The following NCALD variants were observed in gnomAD, a reference collection of about 807,000 sequenced individuals.
The protein encoded by NCALD is neurocalcin-delta.
NCALD carries 10 observed loss-of-function variants against 18.6 expected under a neutral mutation model. That is an observed-to-expected ratio of 0.54 (90% CI 0.33 to 0.91). The LOEUF (loss-of-function observed/expected upper bound fraction) is 0.91. Among genes scored for constraint, NCALD ranks in the 40% least tolerant of loss-of-function variants. The probability of loss-of-function intolerance (pLI) is 0.03; values close to 1 mark genes in which losing one functional copy is unlikely to be tolerated. For missense variants in NCALD, 184 were observed against 247.6 expected, an observed-to-expected ratio of 0.74 and a Z score of 1.72; for synonymous variants, 88 against 87.4, an observed-to-expected ratio of 1.01 and a Z score of -0.04.
At chr8:102,052,244 C>A (rs1823481624) in intron 1 of NCALD, among the ~76,000 whole-genome samples, 1 of 152,116 alleles carries the variant, frequency 6.6e-6, no homozygotes, top group African/African-American at 2.4e-5. Flanking sequence ...GTAATTGCAG[C>A]AGATCAATTT....
intron 4 of NCALD, among the ~76,000 whole-genome samples, chr8:101,827,520 C>T (rs567595501): frequency 6.6e-6 from 1 of 152,300 alleles, no homozygotes; most frequent in East Asian, 1.9e-4. Context: ...GAATTTGAGA[C>T]ACCTCCCAAT....
At chr8:102,016,431 T>G (rs1444388483) in intron 2 of NCALD, among the ~76,000 whole-genome samples, 1 of 152,198 alleles carries the variant, frequency 6.6e-6, no homozygotes, top group African/African-American at 2.4e-5. Flanking sequence ...AGCAATCTAC[T>G]GCTAGCAGAC....
Position 101,694,867 on chromosome 8 carries a change from G to C in NCALD, c.379-1971C>G, listed in dbSNP as rs974798733. Among the ~76,000 whole-genome samples, 5 of 152,138 alleles carry C rather than the reference G, an allele frequency of 3.3e-5. No individual in the cohort carries two copies. In the East Asian group the frequency reaches 9.6e-4, roughly 29 times the overall value. ...GAGATGGAGCTGTTTTTGCAAATGG[G>C]AGAAGAGAGGCCCTGAGATTTAACA... On this transcript the variant is annotated intron_variant, in intron 2 of 3. Transcript: ENST00000220931.
At chr8:102,060,835 CA>C (rs1823824542) in intron 1 of NCALD, among the ~76,000 whole-genome samples, 1 of 152,194 alleles carries the variant, frequency 6.6e-6, no homozygotes, top group Non-Finnish European at 1.5e-5. Context: ...AGTGGGAAGG[CA>C]GCTAAAAGAA....
rs1814556750 is a variant in NCALD at position 101,688,365 on chromosome 8, A to G, written c.*944T>C. Reference sequence around the variant, plus strand: ...GTTACTTTGTATTTTTATGGAATATATAAAATATACTTGTCGATTGGTACA... The same window carrying G: ...GTTACTTTGTATTTTTATGGAATATGTAAAATATACTTGTCGATTGGTACA... On this transcript the variant is annotated 3_prime_UTR_variant, in exon 4 of 4. Transcript: ENST00000220931. The G allele has an allele frequency of 4.3e-6, 1 of 231,336 alleles. No individual in the cohort carries two copies. Among genetic ancestry groups the G allele is most frequent in the African/African-American group, 2.3e-5 (1 of 44,116 alleles). 14.3% of individuals were successfully genotyped at this position (231,336 alleles called of 1,614,324 possible). A position where few individuals can be genotyped will look rare whatever the true frequency, so the allele number is the denominator to read the frequency against.
In NCALD at chr8:101,689,285, C is replaced by T; in HGVS notation, c.*24G>A. 1.2e-6 allele frequency: 2 copies of T among 1,606,742 alleles called. No individual in the cohort carries two copies. The highest frequency in any genetic ancestry group is 1.3e-5 in the African/African-American group (1 of 74,798). On this transcript the variant is annotated 3_prime_UTR_variant, in exon 4 of 4. Transcript: ENST00000220931. The surrounding 1 kb of genome is among the most constrained non-coding windows in gnomAD (Gnocchi z 4.4). ...TCAAAAGGGAACACAAGCAGCTCTA[C>T]AATTCGATTGGTGGGCGCAGGGCTC...
In NCALD at chr8:101,736,109, C is replaced by A. The variant is rs145360112; in HGVS notation, c.-19-16461G>T. Among the ~76,000 whole-genome samples, 25 of 152,292 alleles carry A rather than the reference C, an allele frequency of 1.6e-4. No homozygotes were observed. The East Asian group carries it at 4.8e-3, about 29-fold the overall frequency. ...GCCCCCGTTCCTATGCAGGAGCCCT[C>A]ATTCTGTATGTACCCCCTAATGGCA... On this transcript the variant is annotated intron_variant, in intron 1 of 3. Coordinates refer to ENST00000220931, the MANE Select transcript of NCALD (RefSeq NM_032041.3).
chr8:102,078,530 G>T (rs971860259), intron 1 of NCALD, among the ~76,000 whole-genome samples: 2 of 152,116 alleles, frequency 1.3e-5, no homozygotes, highest in African/African-American at 4.8e-5. Flanking sequence ...CCTACCTCTT[G>T]CCTCTCAGAC....
intron 1 of NCALD, among the ~76,000 whole-genome samples, chr8:102,103,079 G>A: frequency 6.6e-6 from 1 of 152,094 alleles, no homozygotes; most frequent in Non-Finnish European, 1.5e-5. Flanking sequence ...AGTCCTTTTG[G>A]GGAAACCAGA....
chr8:101,988,154 C>CAAAAAAAAAA (rs141735735), intron 2 of NCALD, among the ~76,000 whole-genome samples: 18 of 36,548 alleles, frequency 4.9e-4, no homozygotes, highest in African/African-American at 9.9e-4. Flanking sequence ...GACTCCGTCT[C>CAAAAAAAAAA]AAAAAAAAAA....
At chr8:101,871,952 CAG>C (rs2131410669) in intron 4 of NCALD, 2 of 745,174 alleles carry the variant, frequency 2.7e-6, no homozygotes, top group Admixed American at 3.6e-5. Context: ...GCTCTAGATT[CAG>C]ACAGTTTCCA....
chr8:101,825,767 A>G, intron 4 of NCALD, among the ~76,000 whole-genome samples: 1 of 152,172 alleles, frequency 6.6e-6, no homozygotes, highest in East Asian at 1.9e-4. Flanking sequence ...TAAACATTTT[A>G]GGCTTTGCAG....
chr8:102,058,794 G>T (rs1407885207), intron 1 of NCALD, among the ~76,000 whole-genome samples: 3 of 152,168 alleles, frequency 2.0e-5, no homozygotes, highest in African/African-American at 7.2e-5. Context: ...TTATAATTAA[G>T]ATAAATGACT....
At position 101,689,800 on chromosome 8, in the gene NCALD, G is replaced by A. The variant is rs556316570; in HGVS notation, c.485-394C>T. ...GTGGCCCTCCTGCATTTATGAGAATGAGCTGGGCCCTGGCAGCACCCGGTT... is the reference window on the plus strand; with the variant it reads ...GTGGCCCTCCTGCATTTATGAGAATAAGCTGGGCCCTGGCAGCACCCGGTT... On this transcript the variant is annotated intron_variant, in intron 3 of 3. Coordinates refer to ENST00000220931, the MANE Select transcript of NCALD (RefSeq NM_032041.3). The surrounding 1 kb of genome is among the most constrained non-coding windows in gnomAD (Gnocchi z 4.4). Among the ~76,000 whole-genome samples the A allele has an allele frequency of 6.6e-6, 1 of 152,284 alleles. No individual in the cohort carries two copies. The highest frequency in any genetic ancestry group is 2.4e-5 in the African/African-American group (1 of 41,570).
chr8:102,122,549 G>A (rs1350152088), intron 1 of NCALD, among the ~76,000 whole-genome samples: 2 of 152,260 alleles, frequency 1.3e-5, no homozygotes, highest in African/African-American at 2.4e-5. Flanking sequence ...AGAAGAGGGC[G>A]TATAGCAACA....
intron 1 of NCALD, among the ~76,000 whole-genome samples, chr8:102,070,716 A>G (rs1395385579): frequency 6.6e-6 from 1 of 152,222 alleles, no homozygotes; most frequent in Admixed American, 6.5e-5. Context: ...ATGCAAAAAT[A>G]GGTATCAATG....
intron 2 of NCALD, among the ~76,000 whole-genome samples, chr8:101,952,112 G>A (rs1334944370): frequency 2.0e-5 from 3 of 152,200 alleles, no homozygotes; most frequent in Non-Finnish European, 4.4e-5. Flanking sequence ...CGGGCAGGAG[G>A]GCAAGTGGGA....
chr8:101,867,592 T>C (rs1815825341), intron 4 of NCALD, among the ~76,000 whole-genome samples: 1 of 152,246 alleles, frequency 6.6e-6, no homozygotes, highest in Non-Finnish European at 1.5e-5. Context: ...CTTTGGAATT[T>C]TCACTGGCAA....
chr8:101,815,952 T>G (rs902742416), intron 4 of NCALD, among the ~76,000 whole-genome samples: 1 of 152,068 alleles, frequency 6.6e-6, no homozygotes, highest in Admixed American at 6.6e-5. Context: ...ACAATATTAT[T>G]TAGTGCTAAA....
Sources: gnomAD v4.1 joint callset for allele counts (sites outside exome capture counted in the v4.1 genomes callset) on GRCh38, gnomAD v4.1.1 for gene constraint, Gnocchi (gnomAD v3.1) non-coding constraint, MANE v1.5 for transcripts, NCBI Gene and HGNC (gene_info 2026-07-23, HGNC 2026-07-21) for gene names.